Variants in BCAR1 observed in about 807,000 individuals in gnomAD.
BCAR1 encodes the protein BCAR1 scaffold protein, Cas family member, also known as breast cancer anti-estrogen resistance protein 1.
A neutral mutation model predicts 67.6 loss-of-function variants in BCAR1; 30 were observed. The ratio of observed to expected loss-of-function variants is 0.44; its 90% confidence interval spans 0.33 to 0.60. The LOEUF is 0.60. Ranked by LOEUF, BCAR1 falls within the 20% of genes least tolerant of loss-of-function variation. BCAR1 has a pLI of 0.02. For synonymous variants in BCAR1, 626 were observed against 556.7 expected (o/e 1.12, Z -1.75); for missense variants, 1,313 against 1,222.3 (o/e 1.07, Z -1.11).
intron 1 of BCAR1, chr16:75,250,544 G>A: frequency 1.3e-6 from 1 of 765,196 alleles, no homozygotes; most frequent in Non-Finnish European, 1.6e-6. Flanking sequence ...AGGAGGGAAC[G>A]GGAGCCTTGT....
intron 1 of BCAR1, chr16:75,266,919 TC>T: frequency 1.7e-6 from 1 of 588,838 alleles, no homozygotes; most frequent in Non-Finnish European, 2.5e-6. Flanking sequence ...GGCAGAAAGC[TC>T]CAGCTGCCTA....
In BCAR1 at chr16:75,238,251, G is replaced by A. The variant is rs2077211998; in HGVS notation, c.634-907C>T. On this transcript the variant is annotated intron_variant, in intron 2 of 6. Transcript: ENST00000162330. ...TTCCCTGAAGGTCTCCCTGCCTTGG[G>A]GAGGTCAAGGCCTCCCTGGTGGGAT... 3.4e-6 allele frequency: 4 copies of A among 1,172,442 alleles called. No homozygotes were observed. The African/African-American group carries it at 4.9e-5, about 14-fold the overall frequency. The allele number at this position is 1,172,442 out of a possible 1,614,324, so 72.6% of individuals were successfully genotyped here.
At chr16:75,254,877 G>C (rs1597271230), upstream of BCAR1, among the ~76,000 whole-genome samples, 1 of 152,206 alleles carries the variant, frequency 6.6e-6, no homozygotes, top group Non-Finnish European at 1.5e-5. Flanking sequence ...CTGGAGTGGA[G>C]GGGGTTATAC....
At chr16:75,236,476 T>C in intron 4 of BCAR1, 2 of 334,856 alleles carry the variant, frequency 6.0e-6, no homozygotes, top group Admixed American at 9.1e-5. Context: ...CTTTCTACTC[T>C]GCAGCAGGTG....
rs1423381150 is a variant in BCAR1, at chr16:75,229,577, C to T, written c.2547G>A (p.Arg849=). 1 of 1,610,230 alleles carries T rather than the reference C, an allele frequency of 6.2e-7. No individual in the cohort carries two copies. Residue 849 remains arginine (R), a synonymous_variant, in exon 7 of 7, where the codon AGG becomes AGA. Coordinates refer to ENST00000162330, the MANE Select transcript of BCAR1 (RefSeq NM_014567.5). ...SPSAAQDMVE[R]VKELGHSTQQ... ...GGGTGCTGTGGCCCAGCTCCTTGACCCTCTCCACCATGTCCTGGGCCGCGG... is the reference window on the plus strand; with the variant it reads ...GGGTGCTGTGGCCCAGCTCCTTGACTCTCTCCACCATGTCCTGGGCCGCGG...
At chr16:75,243,507 C>T (rs760521619) in intron 1 of BCAR1, 2 of 523,198 alleles carry the variant, frequency 3.8e-6, no homozygotes, top group Non-Finnish European at 7.5e-6. Context: ...AATAATCTGA[C>T]AAAAAGAACA....
Position 75,247,874 on chromosome 16 carries a change from T to C in BCAR1, c.12+3597A>G, listed in dbSNP as rs2077565550. 1.4e-5 allele frequency: 9 copies of C among 646,100 alleles called. No individual in the cohort carries two copies. The South Asian group carries it at 1.6e-4, about 12-fold the overall frequency. 40.0% of individuals were successfully genotyped at this position (646,100 alleles called of 1,614,324 possible). On this transcript the variant is annotated intron_variant, in intron 1 of 6. Transcript: ENST00000162330. ...GCTGGGAGAAAATGGCAAGAACTCC[T>C]GTTCTCTGCCCAAGACCCCAGGGTT...
intron 1 of BCAR1, chr16:75,264,445 A>G: frequency 6.6e-7 from 1 of 1,517,408 alleles, no homozygotes; most frequent in Non-Finnish European, 8.8e-7. Flanking sequence ...TGGGCCAGAG[A>G]AGTCCAGAAC....
intron 1 of BCAR1, among the ~76,000 whole-genome samples, chr16:75,257,142 G>A (rs1218702755): frequency 6.6e-6 from 1 of 152,180 alleles, no homozygotes; most frequent in Non-Finnish European, 1.5e-5. Context: ...CTGACTGGCC[G>A]GGTGGGCAGG....
chr16:75,235,772 G>C lies in BCAR1; in HGVS notation c.1127C>G (p.Pro376Arg). Residue 376 changes from proline to arginine, a missense_variant, in exon 5 of 7, where the codon CCT (proline) becomes CGT (arginine). Coordinates refer to ENST00000162330, the MANE Select transcript of BCAR1 (RefSeq NM_014567.5). ...PPAPDLYDVPPGLRRPGPGTL... is the reference protein window; with the variant it reads ...PPAPDLYDVPRGLRRPGPGTL... The stretch of plus-strand genomic sequence containing the variant: ...GCCCGGGCCAGGCCGCCGCAAGCCA[G>C]GGGGCACGTCGTAGAGGTCAGGAGC... The C allele has an allele frequency of 6.3e-7, 1 of 1,592,988 alleles. No homozygotes were observed. Among genetic ancestry groups the C allele is most frequent in the Non-Finnish European group, 8.6e-7 (1 of 1,168,776 alleles).
intron 2 of BCAR1, among the ~76,000 whole-genome samples, chr16:75,239,559 C>T (rs548943732): frequency 6.6e-6 from 1 of 152,336 alleles, no homozygotes; most frequent in African/African-American, 2.4e-5. Flanking sequence ...AGCTCAGTGG[C>T]TGGTCTCCCC....
At chr16:75,236,674 G>A (rs1397985108) in intron 4 of BCAR1, 24 of 1,052,538 alleles carry the variant, frequency 2.3e-5, no homozygotes, top group Middle Eastern at 3.2e-4. Flanking sequence ...AGAAGGCCTC[G>A]CAACAGGCGG....
chr16:75,236,039 G>C (rs2077120374), intron 4 of BCAR1, 53 bp from the exon 5 acceptor site: 1 of 1,520,722 alleles, frequency 6.6e-7, no homozygotes, highest in East Asian at 2.4e-5. Flanking sequence ...GCCCACCCCA[G>C]GGACTGGGGG....
chr16:75,262,348 AGGG>A (rs1383341702), intron 1 of BCAR1, among the ~76,000 whole-genome samples: 1 of 152,194 alleles, frequency 6.6e-6, no homozygotes. Flanking sequence ...CAGTGTGAAG[AGGG>A]AGCCTGACAC....
chr16:75,229,455 C>T lies in BCAR1; in HGVS notation c.*56G>A, dbSNP rs375165091. 4.1e-6 allele frequency: 6 copies of T among 1,460,512 alleles called. No individual in the cohort carries two copies. The African/African-American group carries it at 5.6e-5, about 14-fold the overall frequency. 90.5% of individuals were successfully genotyped at this position (1,460,512 alleles called of 1,614,324 possible). On this transcript the variant is annotated 3_prime_UTR_variant, in exon 7 of 7. Coordinates refer to ENST00000162330, the MANE Select transcript of BCAR1 (RefSeq NM_014567.5). Reference sequence around the variant, plus strand: ...GGCACAGCGACTCTTGACATGGGAGCCAGGGAGCTGGGACCGCCGCACCCC... The same window carrying T: ...GGCACAGCGACTCTTGACATGGGAGTCAGGGAGCTGGGACCGCCGCACCCC...
Position 75,251,583 on chromosome 16 carries a change from T to C in BCAR1, c.-101A>G. 9.5e-7 allele frequency: 1 copy of C among 1,057,380 alleles called. No homozygotes were observed. The highest frequency in any genetic ancestry group is 1.1e-6 in the Non-Finnish European group (1 of 878,528). The allele number at this position is 1,057,380 out of a possible 1,614,324, so 65.5% of individuals were successfully genotyped here. On this transcript the variant is annotated 5_prime_UTR_variant, in exon 1 of 7. Coordinates refer to ENST00000162330, the MANE Select transcript of BCAR1 (RefSeq NM_014567.5). ...TCCGAGCGCGCCGCAGCCGCCCCGG[T>C]GCCGCCGCGCAGCTGCCGCCTCGGC...
chr16:75,266,862 C>T (rs555321062), intron 1 of BCAR1: 2 of 1,164,006 alleles, frequency 1.7e-6, no homozygotes, highest in African/African-American at 3.1e-5. Flanking sequence ...GGAGCCAGCT[C>T]CATGAGGCTG....
intron 1 of BCAR1, chr16:75,249,824 G>A (rs966034646): frequency 6.6e-6 from 1 of 152,226 alleles, no homozygotes; most frequent in Non-Finnish European, 1.5e-5. Flanking sequence ...GGTCCCCCAA[G>A]GACCAGAGCT....
In BCAR1 at chr16:75,235,658, G is replaced by A; in HGVS notation, c.1241C>T (p.Pro414Leu). 6.2e-7 allele frequency: 1 copy of A among 1,610,580 alleles called. No homozygotes were observed. Among genetic ancestry groups the A allele is most frequent in the Non-Finnish European group, 8.5e-7 (1 of 1,178,104 alleles). The change falls in exon 5 of 7, where the codon CCC (proline) becomes CTC (leucine). Residue 414 changes from proline (P) to leucine (L), a missense_variant. Pro to Leu is a moderately conservative substitution (Grantham distance 98). Coordinates refer to ENST00000162330, the MANE Select transcript of BCAR1 (RefSeq NM_014567.5). Reference sequence around the variant, plus strand: ...TGCCGGGGCTTCACGTTCAGCTGGGGGAGGCACCGCATACACACCACTGTC... The same window carrying A: ...TGCCGGGGCTTCACGTTCAGCTGGGAGAGGCACCGCATACACACCACTGTC... ...VVDSGVYAVPPPAEREAPAEG... is the reference protein window; with the variant it reads ...VVDSGVYAVPLPAEREAPAEG...
Sources: allele counts gnomAD v4.1 joint callset (sites outside exome capture counted in the v4.1 genomes callset), GRCh38; gene constraint gnomAD v4.1.1; transcripts MANE v1.5; gene names NCBI Gene and HGNC (gene_info 2026-07-23, HGNC 2026-07-21).